The following RDH12 variants were observed in gnomAD, a reference collection of about 807,000 sequenced individuals.
RDH12 encodes the protein all-trans and 9-cis retinol dehydrogenase.
A neutral mutation model predicts 34.0 loss-of-function variants in RDH12; 21 were observed. That is an observed-to-expected ratio of 0.62 (90% CI 0.44 to 0.89). The LOEUF (loss-of-function observed/expected upper bound fraction) is 0.89. Ranked by LOEUF, RDH12 falls within the 40% of genes least tolerant of loss-of-function variation. The pLI, the probability that RDH12 is intolerant of heterozygous loss-of-function variation, is 0.00. For synonymous variants in RDH12, 198 were observed against 169.9 expected (o/e 1.17, Z -1.29); for missense variants, 394 against 398.6 (o/e 0.99, Z 0.10).
intron 1 of RDH12, among the ~76,000 whole-genome samples, chr14:67,711,670 T>C (rs1189624169): frequency 6.6e-6 from 1 of 152,218 alleles, no homozygotes; most frequent in Non-Finnish European, 1.5e-5. Flanking sequence ...CTTTCCTATC[T>C]TAGACTTCCA....
intron 7 of RDH12, chr14:67,727,486 T>G (rs12435499): frequency 1.2e-4 from 26 of 215,798 alleles, no homozygotes; most frequent in Non-Finnish European, 1.4e-4. Context: ...GTTTTTTTTG[T>G]TTTTTTTTTT....
intron 1 of RDH12, among the ~76,000 whole-genome samples, chr14:67,704,224 G>A (rs993208346): frequency 1.3e-5 from 2 of 152,196 alleles, no homozygotes; most frequent in Admixed American, 1.3e-4. Flanking sequence ...AACAGGAAGA[G>A]CTGAGTTCTG....
intron 2 of RDH12, 98 bp from the exon 3 acceptor site, chr14:67,722,326 T>TG: frequency 2.2e-6 from 1 of 459,648 alleles, no homozygotes; most frequent in Non-Finnish European, 4.0e-6. Flanking sequence ...CAATTGAGGA[T>TG]GGGGGGTTTA....
Position 67,734,159 on chromosome 14 carries a change from G to T in RDH12, c.*311G>T, listed in dbSNP as rs2038323804. On this transcript the variant is annotated 3_prime_UTR_variant, in exon 9 of 9. Transcript: ENST00000551171. ...GGGTGGCAGAAGAGCCCGAGAAATT[G>T]GGTCAGTTCCCTCATCAGCACCAGA... The T allele has an allele frequency of 1.8e-5, 6 of 329,288 alleles. No homozygotes were observed. The highest frequency in any genetic ancestry group is 1.6e-4 in the South Asian group (6 of 37,070). 20.4% of individuals were successfully genotyped at this position (329,288 alleles called of 1,614,324 possible).
chr14:67,733,577 C>G (rs557519647), intron 8 of RDH12, among the ~76,000 whole-genome samples, 169 bp from the exon 9 acceptor site: 5 of 152,142 alleles, frequency 3.3e-5, no homozygotes, highest in Non-Finnish European at 7.3e-5. Flanking sequence ...TACTATATCA[C>G]AAATTTGTTT....
intron 4 of RDH12, 44 bp downstream of exon 4, chr14:67,724,635 C>A: frequency 1.4e-6 from 2 of 1,402,990 alleles, no homozygotes; most frequent in Non-Finnish European, 1.0e-6. Flanking sequence ...TGCCTCCCAC[C>A]CTTCTTCCCA....
rs754030243 is a variant in RDH12 at position 67,729,380 on chromosome 14, GGT to G, written c.848+6_848+7del. ...GAGCCCCTGAGTGGCAAGTACTTCA[GGT>G]GTGTGAAGGCAATGCGGTTCTCTCC... is the stretch of plus-strand genomic sequence containing the variant. On this transcript the variant is annotated splice_donor_variant, in intron 8 of 8. Coordinates refer to ENST00000551171, the MANE Select transcript of RDH12 (RefSeq NM_152443.3). LOFTEE classifies it high-confidence loss of function. 2 of 1,597,302 alleles carry G rather than the reference GGT, an allele frequency of 1.3e-6. No homozygotes were observed. The highest frequency in any genetic ancestry group is 3.3e-5 in the Admixed American group (2 of 60,012).
In RDH12 at chr14:67,712,322, G is replaced by A. The variant is rs371762629; in HGVS notation, c.-274-8526G>A. ...GAATTATTTTGAGGTTAAACCATGTGATGCTTTTATAGTGCACTTAAAAAT... is the reference window on the plus strand; with the variant it reads ...GAATTATTTTGAGGTTAAACCATGTAATGCTTTTATAGTGCACTTAAAAAT... On this transcript the variant is annotated intron_variant, in intron 1 of 8. Transcript: ENST00000551171. Among the ~76,000 whole-genome samples the A allele has an allele frequency of 3.0e-4, 46 of 152,154 alleles. 1 individual carries two copies. Among genetic ancestry groups the A allele is most frequent in the African/African-American group, 1.1e-3 (45 of 41,528 alleles).
At position 67,733,643 on chromosome 14, in the gene RDH12, A is replaced by G. The variant is rs1398746081; in HGVS notation, c.849-103A>G. 2.0e-5 allele frequency: 15 copies of G among 762,578 alleles called. 1 individual carries two copies. The highest frequency in any genetic ancestry group is 3.4e-5 in the Non-Finnish European group (15 of 436,132). 47.2% of individuals were successfully genotyped at this position (762,578 alleles called of 1,614,324 possible). ...ATTAGTTTCTTTGAGTCTGGCATAT[A>G]TTGTATTTTATTCATTTAGAAACAT... is the stretch of plus-strand genomic sequence containing the variant. On this transcript the variant is annotated intron_variant, in intron 8 of 8. Transcript: ENST00000551171.
intron 8 of RDH12, among the ~76,000 whole-genome samples, chr14:67,733,364 G>A (rs576681420): frequency 6.6e-6 from 1 of 152,096 alleles, no homozygotes; most frequent in Non-Finnish European, 1.5e-5. Context: ...CTTCAATTAC[G>A]AATGTAGGCA....
intron 8 of RDH12, among the ~76,000 whole-genome samples, chr14:67,732,331 G>A (rs1196145010): frequency 6.6e-6 from 1 of 150,960 alleles, no homozygotes; most frequent in Non-Finnish European, 1.5e-5. Context: ...CCAGCTACTC[G>A]GGAGGCTAAG....
chr14:67,718,880 A>G (rs968896583), intron 1 of RDH12, among the ~76,000 whole-genome samples: 6 of 152,226 alleles, frequency 3.9e-5, no homozygotes, highest in Admixed American at 3.9e-4. Flanking sequence ...TGATACTGCA[A>G]TGATTAATTT....
chr14:67,717,296 T>C (rs566603691), intron 1 of RDH12, among the ~76,000 whole-genome samples: 1 of 152,220 alleles, frequency 6.6e-6, no homozygotes, highest in Non-Finnish European at 1.5e-5. Context: ...TGGAGGTGTG[T>C]TTTTGAAGTA....
intron 1 of RDH12, among the ~76,000 whole-genome samples, chr14:67,707,220 G>C (rs1366147230): frequency 6.6e-6 from 1 of 152,120 alleles, no homozygotes; most frequent in Non-Finnish European, 1.5e-5. Context: ...AAGACTTGTA[G>C]CCAACAAAAA....
intron 2 of RDH12, among the ~76,000 whole-genome samples, chr14:67,721,378 C>T (rs547184128): frequency 5.9e-5 from 9 of 152,138 alleles, no homozygotes; most frequent in Admixed American, 2.6e-4. Flanking sequence ...CTCAGCCTCC[C>T]GAGTAGCTAG....
chr14:67,718,534 T>C (rs1296348830), intron 1 of RDH12, among the ~76,000 whole-genome samples: 1 of 152,184 alleles, frequency 6.6e-6, no homozygotes, highest in Non-Finnish European at 1.5e-5. Flanking sequence ...CCTGGGAGGA[T>C]GGCTGATCCG....
At chr14:67,709,629 C>A (rs1328049885) in intron 1 of RDH12, among the ~76,000 whole-genome samples, 1 of 152,148 alleles carries the variant, frequency 6.6e-6, no homozygotes, top group Non-Finnish European at 1.5e-5. Context: ...GTCCCTGGGC[C>A]TTGAGGAGTT....
chr14:67,716,236 T>C (rs1425799148), intron 1 of RDH12, among the ~76,000 whole-genome samples: 1 of 151,032 alleles, frequency 6.6e-6, no homozygotes, highest in Non-Finnish European at 1.5e-5. Flanking sequence ...ATTGCCTAAC[T>C]AAGTTATAAG....
chr14:67,732,236 A>G (rs890130906), intron 8 of RDH12, among the ~76,000 whole-genome samples: 23 of 152,078 alleles, frequency 1.5e-4, no homozygotes, highest in Non-Finnish European at 2.5e-4. Flanking sequence ...CGGGAATTCC[A>G]TACCAGCCTG....
Sources: allele counts gnomAD v4.1 joint callset (sites outside exome capture counted in the v4.1 genomes callset), GRCh38; gene constraint gnomAD v4.1.1; transcripts MANE v1.5; gene names NCBI Gene and HGNC (gene_info 2026-07-23, HGNC 2026-07-21).